The following C10orf53 variants were observed in gnomAD, a reference collection of about 807,000 sequenced individuals.
C10orf53 encodes the protein chromosome 10 open reading frame 53.
A neutral mutation model predicts 9.4 loss-of-function variants in C10orf53; 8 were observed. That is an observed-to-expected ratio of 0.85 (90% CI 0.50 to 1.53). The LOEUF (loss-of-function observed/expected upper bound fraction) is 1.53. C10orf53 is among the 40% of genes most tolerant of loss of function. The pLI is 0.00. For synonymous variants in C10orf53, 48 were observed against 46.0 expected (o/e 1.04, Z -0.18); for missense variants, 117 against 117.8 (o/e 0.99, Z 0.03).
At position 49,679,655 on chromosome 10, in the gene C10orf53, G is replaced by A. The variant is rs1241705278; in HGVS notation, c.-43G>A. The A allele has an allele frequency of 6.5e-7, 1 of 1,537,650 alleles. No homozygotes were observed. The highest frequency in any genetic ancestry group is 2.5e-5 in the East Asian group (1 of 40,000). ...GGGCCGGAAGAGAGGTTGCTTAGCA[G>A]CGTGTGTTTCTCCCTTGCCTCTGCG... On this transcript the variant is annotated 5_prime_UTR_variant, in exon 1 of 3. Coordinates refer to ENST00000374111, the MANE Select transcript of C10orf53 (RefSeq NM_001042427.3).
chr10:49,691,722 A>G (rs1199774264), intron 1 of C10orf53, among the ~76,000 whole-genome samples: 1 of 152,234 alleles, frequency 6.6e-6, no homozygotes, highest in Non-Finnish European at 1.5e-5. Flanking sequence ...CCAAGCTCAG[A>G]TGCCACGTGA....
downstream of C10orf53, among the ~76,000 whole-genome samples, chr10:49,699,326 T>C (rs1397904453): frequency 1.3e-5 from 2 of 149,670 alleles, no homozygotes; most frequent in Non-Finnish European, 3.0e-5. Flanking sequence ...TCCGAATAGC[T>C]GAGACTACAG....
chr10:49,680,384 G>C (rs888299468), intron 1 of C10orf53, among the ~76,000 whole-genome samples: 1 of 152,314 alleles, frequency 6.6e-6, no homozygotes, highest in East Asian at 1.9e-4. Context: ...GTCTGGAAAG[G>C]CTCATTTAAG....
intron 1 of C10orf53, among the ~76,000 whole-genome samples, chr10:49,688,398 C>G (rs1007617155): frequency 6.6e-6 from 1 of 152,076 alleles, no homozygotes; most frequent in Non-Finnish European, 1.5e-5. Flanking sequence ...GTCCACCCGC[C>G]ATCATCTCCT....
At chr10:49,702,223 GGA>G (rs1840689236), downstream of C10orf53, among the ~76,000 whole-genome samples, 2 of 142,242 alleles carry the variant, frequency 1.4e-5, no homozygotes, top group Non-Finnish European at 1.6e-5. Flanking sequence ...AAGGAAGGAA[GGA>G]AGGGAGGGAG....
intron 2 of C10orf53, among the ~76,000 whole-genome samples, chr10:49,704,866 C>A (rs893160864): frequency 2.0e-5 from 3 of 152,194 alleles, no homozygotes; most frequent in African/African-American, 7.2e-5. Flanking sequence ...AAAATGTCTA[C>A]AGAGCAATCT....
chr10:49,699,565 T>C (rs1840665534), downstream of C10orf53, among the ~76,000 whole-genome samples: 1 of 152,060 alleles, frequency 6.6e-6, no homozygotes, highest in Admixed American at 6.5e-5. Context: ...AGCCCGTTAC[T>C]GTGATGATCA....
At chr10:49,691,055 A>T (rs928444329) in intron 1 of C10orf53, among the ~76,000 whole-genome samples, 5 of 152,228 alleles carry the variant, frequency 3.3e-5, no homozygotes, top group Non-Finnish European at 7.3e-5. Context: ...TGGTTGATTT[A>T]TGCTGGAGTT....
intron 2 of C10orf53, among the ~76,000 whole-genome samples, chr10:49,703,415 G>A (rs1172091051): frequency 3.3e-5 from 5 of 152,260 alleles, no homozygotes; most frequent in Non-Finnish European, 4.4e-5. Flanking sequence ...AGCCTCACAT[G>A]AGCCTCCATT....
intron 1 of C10orf53, among the ~76,000 whole-genome samples, chr10:49,687,487 T>C (rs532419753): frequency 1.5e-4 from 23 of 152,308 alleles, no homozygotes; most frequent in African/African-American, 4.6e-4. Flanking sequence ...AGTCAACACA[T>C]ATGGTTTGAA....
intron 1 of C10orf53, among the ~76,000 whole-genome samples, chr10:49,683,735 A>C (rs1840501567): frequency 6.6e-6 from 1 of 152,126 alleles, no homozygotes; most frequent in African/African-American, 2.4e-5. Flanking sequence ...ATCTCTATAG[A>C]AAACACAAAA....
At chr10:49,706,756 G>T (rs1046376229) in intron 2 of C10orf53, among the ~76,000 whole-genome samples, 1 of 152,150 alleles carries the variant, frequency 6.6e-6, no homozygotes, top group Non-Finnish European at 1.5e-5. Flanking sequence ...ACCAAAAAAC[G>T]TCAGTTGCCT....
At chr10:49,703,528 T>TCCATGTAAG (rs1206252006) in intron 2 of C10orf53, among the ~76,000 whole-genome samples, 2 of 151,670 alleles carry the variant, frequency 1.3e-5, no homozygotes, top group Non-Finnish European at 2.9e-5. Context: ...ATGGAAGGAG[T>TCCATGTAAG]CCATGTAAGG....
chr10:49,681,091 A>C (rs1438623563), intron 1 of C10orf53, among the ~76,000 whole-genome samples: 1 of 152,186 alleles, frequency 6.6e-6, no homozygotes, highest in Non-Finnish European at 1.5e-5. Context: ...TCCAGGTATT[A>C]AGCCCACTTT....
chr10:49,692,596 A>G (rs1226408226), intron 1 of C10orf53, among the ~76,000 whole-genome samples: 1 of 152,234 alleles, frequency 6.6e-6, no homozygotes. Context: ...CATCCTAAAC[A>G]AAATTCTCAC....
intron 1 of C10orf53, among the ~76,000 whole-genome samples, chr10:49,683,149 G>A (rs980365640): frequency 2.0e-5 from 3 of 152,206 alleles, no homozygotes; most frequent in Non-Finnish European, 2.9e-5. Context: ...TTCCAAAGCA[G>A]CTGCACCATT....
intron 2 of C10orf53, 196 bp from the exon 3 acceptor site, chr10:49,694,342 G>T: frequency 4.1e-6 from 3 of 724,180 alleles, no homozygotes; most frequent in Non-Finnish European, 6.7e-6. Flanking sequence ...GGCCTGGCAG[G>T]CTGGCACTGT....
At chr10:49,708,464 G>T in exon 3 of C10orf53, 3 of 1,614,138 alleles carry the variant, frequency 1.9e-6, no homozygotes, top group Non-Finnish European at 1.7e-6. Context: ...CTTTGCAACA[G>T]TTCCCACAAA....
chr10:49,685,113 C>A (rs1840515080), intron 1 of C10orf53, among the ~76,000 whole-genome samples: 1 of 152,156 alleles, frequency 6.6e-6, no homozygotes, highest in Non-Finnish European at 1.5e-5. Flanking sequence ...CTTTCTCTCT[C>A]TCTCTCAAAC....
Sources: gnomAD v4.1 joint callset for allele counts (sites outside exome capture counted in the v4.1 genomes callset) on GRCh38, gnomAD v4.1.1 for gene constraint, MANE v1.5 for transcripts, NCBI Gene and HGNC (gene_info 2026-07-23, HGNC 2026-07-21) for gene names.